YEATS2: variants seen among roughly 807,000 people sequenced by gnomAD.
YEATS2 encodes the protein YEATS domain-containing protein 2.
Under a neutral mutation model 163.2 loss-of-function variants are expected in YEATS2, and 77 were observed. That is an observed-to-expected ratio of 0.47 (90% CI 0.39 to 0.57). YEATS2 has a LOEUF of 0.57. YEATS2 is among the 20% of genes least tolerant of loss of function. The pLI, the probability that YEATS2 is intolerant of heterozygous loss-of-function variation, is 0.00. For missense variants in YEATS2, 1,549 were observed against 1,729.8 expected (o/e 0.90, Z 1.85); for synonymous variants, 631 against 645.1 (o/e 0.98, Z 0.33).
At chr3:183,742,469 G>C (rs1022921709) in intron 8 of YEATS2, among the ~76,000 whole-genome samples, 1 of 152,198 alleles carries the variant, frequency 6.6e-6, no homozygotes, top group African/African-American at 2.4e-5. Context: ...GGAATTAGCT[G>C]CAGGTATGGT....
At chr3:183,795,648 C>G (rs540010824) in intron 21 of YEATS2, among the ~76,000 whole-genome samples, 2 of 151,558 alleles carry the variant, frequency 1.3e-5, no homozygotes, top group Non-Finnish European at 2.9e-5. Context: ...TAAAAAGAAC[C>G]GACAGGGATT....
rs796324033 is a variant in YEATS2, at chr3:183,764,721, C to T, written c.1947+2442C>T. On this transcript the variant is annotated intron_variant, in intron 15 of 30. Coordinates refer to ENST00000305135, the MANE Select transcript of YEATS2 (RefSeq NM_018023.5). Reference sequence around the variant, plus strand: ...ACTCGGGAGGCTGAGGCAGGAGAAACGCTTGACCCCGGCAGGCAGAGGTTG... The same window carrying T: ...ACTCGGGAGGCTGAGGCAGGAGAAATGCTTGACCCCGGCAGGCAGAGGTTG... 3.9e-5 allele frequency among the ~76,000 whole-genome samples: 6 copies of T among 152,120 alleles called. 1 individual carries two copies. Among genetic ancestry groups the T allele is most frequent in the South Asian group, 2.1e-4 (1 of 4,814 alleles).
At position 183,806,921 on chromosome 3, in the gene YEATS2, G is replaced by C; in HGVS notation, c.3840G>C (p.Leu1280=). Residue 1280 remains leucine (L), a synonymous_variant, in exon 28 of 31, where the codon CTG becomes CTC. Transcript: ENST00000305135. ...ACCTCTGCCGCAAACTGGAGGACCT[G>C]CAACAGTTCCAGAAAAGGGAACCCG... ...ADNLCRKLED[L]QQFQKREPEN... The C allele has an allele frequency of 6.2e-7, 1 of 1,614,034 alleles. No individual in the cohort carries two copies. The highest frequency in any genetic ancestry group is 8.5e-7 in the Non-Finnish European group (1 of 1,179,994).
chr3:183,775,865 G>T, intron 17 of YEATS2, 50 bp from the exon 18 acceptor site: 1 of 1,609,046 alleles, frequency 6.2e-7, no homozygotes, highest in Non-Finnish European at 8.5e-7. Context: ...TTATGCTAAA[G>T]CTTTGCTTGA....
At chr3:183,808,369 G>A (rs1363733939) in intron 29 of YEATS2, among the ~76,000 whole-genome samples, 1 of 152,052 alleles carries the variant, frequency 6.6e-6, no homozygotes, top group Non-Finnish European at 1.5e-5. Context: ...CGTTGCTTTA[G>A]GAGGTGGCAG....
chr3:183,698,883 G>T (rs1410971094), intron 1 of YEATS2, among the ~76,000 whole-genome samples: 4 of 152,132 alleles, frequency 2.6e-5, no homozygotes, highest in African/African-American at 7.2e-5. Flanking sequence ...AAAAATGCCC[G>T]CAGTTTTACG....
intron 17 of YEATS2, among the ~76,000 whole-genome samples, chr3:183,774,226 A>C (rs1437769485): frequency 6.6e-6 from 1 of 152,196 alleles, no homozygotes; most frequent in Non-Finnish European, 1.5e-5. Flanking sequence ...CCTGGGCCGC[A>C]CAGCAGAAGT....
In YEATS2 at chr3:183,723,959, T is replaced by C. The variant is rs538123138; in HGVS notation, c.538-460T>C. On this transcript the variant is annotated intron_variant, in intron 5 of 30. Coordinates refer to ENST00000305135, the MANE Select transcript of YEATS2 (RefSeq NM_018023.5). ...ATGGTCATAGAAACTTAACATGTTT[T>C]ATACAATATGTGATCATTTCTATAT... Among the ~76,000 whole-genome samples the C allele has an allele frequency of 1.2e-4, 19 of 152,314 alleles. No homozygotes were observed. In the East Asian group the frequency reaches 3.1e-3, roughly 25 times the overall value.
chr3:183,779,430 T>C (rs1436364363), intron 19 of YEATS2, among the ~76,000 whole-genome samples: 1 of 152,264 alleles, frequency 6.6e-6, no homozygotes, highest in African/African-American at 2.4e-5. Context: ...CTGCTTGTGT[T>C]GCAGCAGTGC....
chr3:183,762,175 T>C lies in YEATS2; in HGVS notation c.1843T>C (p.Tyr615His), dbSNP rs1241209857. ...TGCCAGCCAGTCACCACTCCCGCAG[T>C]ATGTGACTGTGAAAGGGGGTCACAT... ...GAASQSPLPQ[Y>H]VTVKGGHMIA... Residue 615 changes from tyrosine to histidine, a missense_variant, in exon 15 of 31, where the codon TAT becomes CAT. Tyr to His is a moderately conservative substitution (Grantham distance 83). Coordinates refer to ENST00000305135, the MANE Select transcript of YEATS2 (RefSeq NM_018023.5). 2.5e-6 allele frequency: 4 copies of C among 1,614,032 alleles called. No homozygotes were observed. Among genetic ancestry groups the C allele is most frequent in the Non-Finnish European group, 1.7e-6 (2 of 1,180,020 alleles).
At chr3:183,741,618 C>T (rs999072356) in intron 8 of YEATS2, among the ~76,000 whole-genome samples, 2 of 151,590 alleles carry the variant, frequency 1.3e-5, no homozygotes, top group East Asian at 2.0e-4. Flanking sequence ...CCCGTCTCTA[C>T]TAAAAATACA....
intron 17 of YEATS2, 53 bp from the exon 18 acceptor site, chr3:183,775,862 A>G (rs949341709): frequency 7.8e-5 from 126 of 1,608,638 alleles, no homozygotes; most frequent in Middle Eastern, 2.2e-4. Flanking sequence ...TTTTTATGCT[A>G]AAGCTTTGCT....
chr3:183,746,512 T>C (rs1230306402), intron 8 of YEATS2, among the ~76,000 whole-genome samples: 1 of 152,228 alleles, frequency 6.6e-6, no homozygotes, highest in East Asian at 1.9e-4. Context: ...CCAGTTCCTC[T>C]TCTTGTTTTG....
Position 183,724,422 on chromosome 3 carries a change from A to T in YEATS2, c.541A>T (p.Thr181Ser). 1 of 1,607,804 alleles carries T rather than the reference A, an allele frequency of 6.2e-7. No individual in the cohort carries two copies. Among genetic ancestry groups the T allele is most frequent in the African/African-American group, 1.3e-5 (1 of 74,722 alleles). The stretch of plus-strand genomic sequence containing the variant: ...TGTTGATTATGATTTTTTTCAGGAT[A>T]CTTCTAGAATTACTGGCTCCCATAA... The part of the protein sequence containing the change: ...QRPSRNTGRD[T>S]SRITGSHKTE... The change falls in exon 6 of 31, where the codon ACT becomes TCT. Residue 181 changes from threonine to serine, a missense_variant. Transcript: ENST00000305135.
intron 15 of YEATS2, among the ~76,000 whole-genome samples, chr3:183,766,612 T>G (rs1272417234): frequency 1.3e-5 from 2 of 152,158 alleles, no homozygotes; most frequent in Non-Finnish European, 2.9e-5. Context: ...AGAGAGAGAA[T>G]TATTGAATGG....
At chr3:183,737,993 CTT>C (rs1011156076) in intron 8 of YEATS2, among the ~76,000 whole-genome samples, 1 of 149,762 alleles carries the variant, frequency 6.7e-6, no homozygotes, top group African/African-American at 2.5e-5. Context: ...ATATTTCAAA[CTT>C]TTTTTTTTAT....
chr3:183,786,301 G>A lies in YEATS2; in HGVS notation c.2913G>A (p.Gln971=), dbSNP rs552518928. ...VALSANGPAQ[Q]SEGMAPVSSS... is the part of the protein sequence containing the mutation. ...TCTCAGCAAACGGTCCTGCACAACA[G>A]GTGAGAAATAGCATGTCAGTAGAGA... Residue 971 remains glutamine (Q), a splice_region_variant and synonymous_variant, in exon 20 of 31, where the codon CAG becomes CAA. Coordinates refer to ENST00000305135, the MANE Select transcript of YEATS2 (RefSeq NM_018023.5). The A allele has an allele frequency of 6.2e-6, 10 of 1,605,628 alleles. No homozygotes were observed. Among genetic ancestry groups the A allele is most frequent in the Non-Finnish European group, 8.5e-6 (10 of 1,173,544 alleles).
At chr3:183,791,998 ACTGT>A (rs1357902376) in intron 21 of YEATS2, among the ~76,000 whole-genome samples, 1 of 152,184 alleles carries the variant, frequency 6.6e-6, no homozygotes, top group Non-Finnish European at 1.5e-5. Flanking sequence ...TGCTTAGAAT[ACTGT>A]CTGGTGTGTA....
chr3:183,748,257 C>CTT lies in YEATS2; in HGVS notation c.969+555_969+556dup, dbSNP rs1232220476. 1.4e-3 allele frequency among the ~76,000 whole-genome samples: 185 copies of CTT among 135,438 alleles called. 1 individual carries two copies. Among genetic ancestry groups the CTT allele is most frequent in the Middle Eastern group, 0.012 (3 of 248 alleles). The allele number at this position is 135,438 out of a possible 152,430, so 88.9% of individuals were successfully genotyped here. On this transcript the variant is annotated intron_variant, in intron 9 of 30. Coordinates refer to ENST00000305135, the MANE Select transcript of YEATS2 (RefSeq NM_018023.5). ...CCCCTTGTCCCCTCCCCTTCCCCTC[C>CTT]TTTTTTTTTTTTTTTGAGAGGGAGT...
Sources: allele counts gnomAD v4.1 joint callset (sites outside exome capture counted in the v4.1 genomes callset), GRCh38; gene constraint gnomAD v4.1.1; transcripts MANE v1.5; gene names NCBI Gene and HGNC (gene_info 2026-07-23, HGNC 2026-07-21).